NBAS: variants seen among roughly 807,000 people sequenced by gnomAD.
NBAS encodes the protein NBAS subunit of NRZ tethering complex.
A neutral mutation model predicts 302.5 loss-of-function variants in NBAS; 219 were observed. The observed-to-expected ratio is 0.72, with a 90% confidence interval of 0.65 to 0.81. NBAS has a LOEUF of 0.81. NBAS is among the 30% of genes least tolerant of loss of function. The pLI is 0.00. For missense variants in NBAS, 2,932 were observed against 2,841.6 expected (o/e 1.03, Z -0.72); for synonymous variants, 1,118 against 1,021.6 (o/e 1.09, Z -1.80).
chr2:15,366,720 T>C, intron 31 of NBAS, 27 bp from the exon 32 acceptor site: 2 of 1,603,802 alleles, frequency 1.2e-6, no homozygotes, highest in Non-Finnish European at 1.7e-6. Context: ...TATTAAAGAC[T>C]TGGACCAGGG....
At chr2:15,340,326 A>C (rs1433443060) in intron 35 of NBAS, among the ~76,000 whole-genome samples, 1 of 152,158 alleles carries the variant, frequency 6.6e-6, no homozygotes, top group Non-Finnish European at 1.5e-5. Flanking sequence ...ACGATGTCCC[A>C]AAGAGGAGGA....
chr2:14,976,645 T>C, the NBAS span, among the ~76,000 whole-genome samples: 1 of 152,220 alleles, frequency 6.6e-6, no homozygotes, highest in Admixed American at 6.5e-5. Flanking sequence ...TGTGACTTTA[T>C]TTGAAAAAAG....
rs779505591 is a variant in NBAS at position 15,328,282 on chromosome 2, C to T, written c.4378G>A (p.Gly1460Arg). ...GQKCGGAYQI[G>R]TTANEDLEKQ... ...TCTAGATCTTCATTGGCTGTAGTTCCGATTTGATATGCACCACCACATTTT... is the reference window on the plus strand; with the variant it reads ...TCTAGATCTTCATTGGCTGTAGTTCTGATTTGATATGCACCACCACATTTT... Residue 1460 changes from glycine to arginine, a missense_variant, in exon 37 of 52, where the codon GGA becomes AGA. Coordinates refer to ENST00000281513, the MANE Select transcript of NBAS (RefSeq NM_015909.4). 16 of 1,613,542 alleles carry T rather than the reference C, an allele frequency of 9.9e-6. No individual in the cohort carries two copies. The Admixed American group carries it at 1.0e-4, about 10-fold the overall frequency.
chr2:15,138,367 G>T, the NBAS span, among the ~76,000 whole-genome samples: 1 of 152,094 alleles, frequency 6.6e-6, no homozygotes, highest in Non-Finnish European at 1.5e-5. Context: ...GGTGCAGGAT[G>T]GGTTATGATG....
chr2:14,940,296 T>C, the NBAS span, among the ~76,000 whole-genome samples: 155 of 152,312 alleles, frequency 1.0e-3, 1 homozygote, highest in Non-Finnish European at 3.7e-4. Flanking sequence ...GTCCTCATGA[T>C]AGTGAGTTCT....
At chr2:15,157,814 GT>G in the NBAS span, among the ~76,000 whole-genome samples, 2 of 152,194 alleles carry the variant, frequency 1.3e-5, no homozygotes, top group Non-Finnish European at 2.9e-5. Context: ...ATTGCTGCTT[GT>G]GACTAGGTGA....
the NBAS span, among the ~76,000 whole-genome samples, chr2:15,012,765 A>C: frequency 6.6e-6 from 1 of 152,254 alleles, no homozygotes; most frequent in Non-Finnish European, 1.5e-5. Context: ...ACTGAAAGAA[A>C]AAGAAAACTG....
At chr2:14,948,585 G>A in the NBAS span, among the ~76,000 whole-genome samples, 1 of 151,904 alleles carries the variant, frequency 6.6e-6, no homozygotes, top group Admixed American at 6.6e-5. Context: ...AAGCAATGAT[G>A]AAGAGGATAT....
chr2:15,373,526 T>C (rs1674584824), intron 31 of NBAS, among the ~76,000 whole-genome samples: 1 of 152,148 alleles, frequency 6.6e-6, no homozygotes, highest in Non-Finnish European at 1.5e-5. Context: ...AGACAGGGTA[T>C]CACTATGTTG....
the NBAS span, among the ~76,000 whole-genome samples, chr2:15,137,115 A>G: frequency 7.8e-3 from 1,191 of 152,308 alleles, 13 homozygotes; most frequent in African/African-American, 0.028. Flanking sequence ...GGTACCATCC[A>G]TGAGTCAGAA....
chr2:15,374,214 T>A (rs13016989), intron 31 of NBAS, among the ~76,000 whole-genome samples: 85,480 of 152,104 alleles, frequency 0.56, 25,841 homozygotes, highest in Non-Finnish European at 0.68. Context: ...AAAAAAACTA[T>A]TTTTATTTAT....
chr2:15,295,055 T>C (rs1243768554), intron 40 of NBAS, among the ~76,000 whole-genome samples: 1 of 152,232 alleles, frequency 6.6e-6, no homozygotes, highest in East Asian at 1.9e-4. Flanking sequence ...TCTCATAGTT[T>C]TCTTCCACAT....
chr2:15,094,879 G>C, the NBAS span, among the ~76,000 whole-genome samples: 19 of 152,190 alleles, frequency 1.2e-4, no homozygotes, highest in East Asian at 3.7e-3. Context: ...ATGAGGCAAG[G>C]GTGGACCTGG....
chr2:15,030,211 A>T, the NBAS span, among the ~76,000 whole-genome samples: 1 of 152,188 alleles, frequency 6.6e-6, no homozygotes, highest in South Asian at 2.1e-4. Context: ...CCACAAAAAA[A>T]AATACACAGG....
intron 40 of NBAS, among the ~76,000 whole-genome samples, chr2:15,295,623 A>G (rs1205075895): frequency 6.6e-6 from 1 of 152,248 alleles, no homozygotes; most frequent in Admixed American, 6.5e-5. Context: ...CCATATACAA[A>G]TCATAGTTTA....
At chr2:14,790,165 A>C in the NBAS span, among the ~76,000 whole-genome samples, 3 of 152,226 alleles carry the variant, frequency 2.0e-5, no homozygotes, top group Non-Finnish European at 4.4e-5. Flanking sequence ...CTGAGTCAGG[A>C]GTACAAATAC....
At chr2:14,791,307 A>C in the NBAS span, among the ~76,000 whole-genome samples, 1 of 152,172 alleles carries the variant, frequency 6.6e-6, no homozygotes, top group Non-Finnish European at 1.5e-5. Context: ...CCTTTTTTCT[A>C]ACAATCTTTG....
intron 44 of NBAS, among the ~76,000 whole-genome samples, chr2:15,272,720 C>A (rs1669376454): frequency 1.3e-5 from 2 of 152,080 alleles, no homozygotes; most frequent in South Asian, 2.1e-4. Context: ...TTGCATTATA[C>A]CATCTGAGCT....
chr2:15,424,523 T>A, intron 22 of NBAS, 55 bp from the exon 23 acceptor site: 4 of 1,592,108 alleles, frequency 2.5e-6, no homozygotes, highest in Non-Finnish European at 3.4e-6. Context: ...GAAAAACATA[T>A]AATTTTGTGA....
Sources: gnomAD v4.1 joint callset for allele counts (sites outside exome capture counted in the v4.1 genomes callset) on GRCh38, gnomAD v4.1.1 for gene constraint, MANE v1.5 for transcripts, NCBI Gene and HGNC (gene_info 2026-07-23, HGNC 2026-07-21) for gene names.